The following NMBR variants were observed in gnomAD, a reference collection of about 807,000 sequenced individuals.
NMBR encodes neuromedin-B receptor.
Under a neutral mutation model 20.5 loss-of-function variants are expected in NMBR, and 16 were observed. The ratio of observed to expected loss-of-function variants is 0.78; its 90% CI spans 0.53 to 1.19. NMBR has a LOEUF of 1.19. Among genes scored for constraint, NMBR ranks in the 50% most tolerant of loss-of-function variants. The probability of loss-of-function intolerance (pLI) is 0.00; values close to 1 mark genes in which losing one functional copy is unlikely to be tolerated. For missense variants in NMBR, 582 were observed against 499.1 expected, an observed-to-expected ratio of 1.17 and a Z score of -1.58; for synonymous variants, 212 against 196.6, an observed-to-expected ratio of 1.08 and a Z score of -0.65.
chr6:142,083,863 CGTGA>C (rs1228842260), intron 2 of NMBR, among the ~76,000 whole-genome samples: 1 of 152,072 alleles, frequency 6.6e-6, no homozygotes, highest in Non-Finnish European at 1.5e-5. Flanking sequence ...TTTATAGCAG[CGTGA>C]GTAATACAAA....
At chr6:142,076,165 C>T in intron 3 of NMBR, 116 bp from the exon 4 acceptor site, 1 of 730,116 alleles carries the variant, frequency 1.4e-6, no homozygotes, top group Non-Finnish European at 2.2e-6. Context: ...ATCCAAAATA[C>T]ATAAATTATT....
At chr6:142,093,736 C>G (rs1777383416) in intron 1 of NMBR, among the ~76,000 whole-genome samples, 1 of 152,124 alleles carries the variant, frequency 6.6e-6, no homozygotes, top group Non-Finnish European at 1.5e-5. Context: ...ACACTGACTT[C>G]CATAATGGTT....
At chr6:142,136,201 G>C (rs1778251404) in intron 1 of NMBR, among the ~76,000 whole-genome samples, 1 of 152,214 alleles carries the variant, frequency 6.6e-6, no homozygotes, top group South Asian at 2.1e-4. Flanking sequence ...ACTGGTGTGA[G>C]ATGGTATCTC....
intron 1 of NMBR, among the ~76,000 whole-genome samples, chr6:142,119,958 C>T (rs1295391680): frequency 1.3e-5 from 2 of 151,850 alleles, no homozygotes; most frequent in Non-Finnish European, 2.9e-5. Context: ...TGACATTGTA[C>T]TTGTTGGATT....
chr6:142,079,695 T>C (rs934403898), intron 2 of NMBR, among the ~76,000 whole-genome samples: 105 of 152,292 alleles, frequency 6.9e-4, no homozygotes, highest in African/African-American at 2.4e-3. Context: ...AAAAGACTCA[T>C]CTAGATTGGG....
chr6:142,132,962 T>C, intron 1 of NMBR: 1 of 405,148 alleles, frequency 2.5e-6, no homozygotes. Context: ...TGTTTTGTTT[T>C]GGGACAGAGA....
intron 1 of NMBR, among the ~76,000 whole-genome samples, chr6:142,101,424 A>T (rs920991007): frequency 6.6e-6 from 1 of 152,174 alleles, no homozygotes; most frequent in South Asian, 2.1e-4. Flanking sequence ...CACCATGATA[A>T]ATGTACTTAT....
intron 1 of NMBR, among the ~76,000 whole-genome samples, chr6:142,117,856 A>G (rs1007122951): frequency 6.6e-6 from 1 of 151,982 alleles, no homozygotes; most frequent in African/African-American, 2.4e-5. Flanking sequence ...AGTACACAAC[A>G]AAAGTATTTA....
At chr6:142,108,998 G>A (rs1777711708) in intron 1 of NMBR, among the ~76,000 whole-genome samples, 1 of 152,088 alleles carries the variant, frequency 6.6e-6, no homozygotes, top group Non-Finnish European at 1.5e-5. Flanking sequence ...CAAAACAAAG[G>A]GGCTACAGGC....
intron 1 of NMBR, among the ~76,000 whole-genome samples, chr6:142,128,375 T>C (rs1247693912): frequency 6.6e-6 from 1 of 152,062 alleles, no homozygotes; most frequent in Non-Finnish European, 1.5e-5. Flanking sequence ...TTGGGTCCAA[T>C]TGCTCTGGTT....
chr6:142,080,128 C>T (rs1777063263), intron 2 of NMBR, among the ~76,000 whole-genome samples: 1 of 152,010 alleles, frequency 6.6e-6, no homozygotes. Flanking sequence ...AAGCACATCT[C>T]CACCTTCTTC....
In NMBR at chr6:142,080,195, A is replaced by C. The variant is rs537498322; in HGVS notation, c.423-1292T>G. Reference sequence around the variant, plus strand: ...TTTACTTTCCATCATTTTTTTTCTGAATTTTAAAATTTCTGCTATCATCTT... The same window carrying C: ...TTTACTTTCCATCATTTTTTTTCTGCATTTTAAAATTTCTGCTATCATCTT... On this transcript the variant is annotated intron_variant, in intron 2 of 3. Coordinates refer to ENST00000258042, the MANE Select transcript of NMBR (RefSeq NM_002511.4). Among the ~76,000 whole-genome samples, 398 of 151,290 alleles carry C rather than the reference A, an allele frequency of 2.6e-3. 1 individual carries two copies. Among genetic ancestry groups the C allele is most frequent in the Non-Finnish European group, 4.5e-3 (305 of 67,766 alleles).
At chr6:142,103,720 G>A (rs1777606408) in intron 1 of NMBR, among the ~76,000 whole-genome samples, 1 of 152,162 alleles carries the variant, frequency 6.6e-6, no homozygotes. Context: ...GCACCATGGA[G>A]TTTATTCAAA....
intron 1 of NMBR, among the ~76,000 whole-genome samples, chr6:142,146,123 G>A (rs1778428200): frequency 1.3e-5 from 2 of 152,178 alleles, no homozygotes; most frequent in Admixed American, 1.3e-4. Context: ...TGGGGAAGAA[G>A]ACAGAACTGA....
chr6:142,141,795 G>A (rs749064586), intron 1 of NMBR, among the ~76,000 whole-genome samples: 17 of 152,064 alleles, frequency 1.1e-4, no homozygotes, highest in Non-Finnish European at 2.2e-4. Context: ...GAGCCACCAC[G>A]CCCGGCCTGA....
At chr6:142,137,059 G>A (rs1472512134) in intron 1 of NMBR, among the ~76,000 whole-genome samples, 1 of 151,854 alleles carries the variant, frequency 6.6e-6, no homozygotes, top group African/African-American at 2.4e-5. Context: ...TAATGGGGAT[G>A]GTATTGAATC....
intron 1 of NMBR, among the ~76,000 whole-genome samples, chr6:142,110,886 G>A (rs767639862): frequency 6.6e-5 from 10 of 152,090 alleles, no homozygotes; most frequent in Non-Finnish European, 1.3e-4. Context: ...GGGTAATATA[G>A]TTTACATCAG....
At chr6:142,131,568 G>C (rs1778142856) in intron 1 of NMBR, among the ~76,000 whole-genome samples, 1 of 152,104 alleles carries the variant, frequency 6.6e-6, no homozygotes, top group African/African-American at 2.4e-5. Context: ...ATACATTTGA[G>C]ATCAGTCTCA....
rs369031384 is a variant in NMBR, at chr6:142,093,407, G to C, written c.-663-4086C>G. 4.0e-5 allele frequency among the ~76,000 whole-genome samples: 6 copies of C among 148,212 alleles called. No individual in the cohort carries two copies. The East Asian group carries it at 1.0e-3, about 25-fold the overall frequency. The stretch of plus-strand genomic sequence containing the variant: ...TATGAGTGAGAACATGCAGTGTTTG[G>C]TTTTTTGTCCTTGCGATAGTTTGCT... On this transcript the variant is annotated intron_variant, in intron 1 of 3. Coordinates refer to ENST00000258042, the MANE Select transcript of NMBR (RefSeq NM_002511.4).
Sources: allele counts gnomAD v4.1 joint callset (sites outside exome capture counted in the v4.1 genomes callset), GRCh38; gene constraint gnomAD v4.1.1; transcripts MANE v1.5; gene names NCBI Gene and HGNC (gene_info 2026-07-23, HGNC 2026-07-21).